Variants in RASAL2 observed in about 807,000 individuals in gnomAD.
RASAL2 encodes RAS protein activator like 2.
In RASAL2, 58 loss-of-function variants were observed where a neutral mutation model predicts 128.9. The observed-to-expected ratio is 0.45, with a 90% CI of 0.36 to 0.56. The LOEUF is 0.56. Ranked by LOEUF, RASAL2 falls within the 20% of genes least tolerant of loss-of-function variation. The pLI, the probability that RASAL2 is intolerant of heterozygous loss-of-function variation, is 0.00. For missense variants in RASAL2, 1,360 were observed against 1,601.6 expected (o/e 0.85, Z 2.57); for synonymous variants, 561 against 580.8 (o/e 0.97, Z 0.49).
chr1:178,398,866 T>C lies in RASAL2; in HGVS notation c.564+8660T>C, dbSNP rs576354457. The stretch of plus-strand genomic sequence containing the variant: ...ATCCCCTTTTCCAGCCCCACTGCCA[T>C]TTACTGACTTCGCTTATCAGTACTT... On this transcript the variant is annotated intron_variant, in intron 4 of 17. Transcript: ENST00000367649. Among the ~76,000 whole-genome samples the C allele has an allele frequency of 2.0e-5, 3 of 152,252 alleles. No individual in the cohort carries two copies. In the South Asian group the frequency reaches 6.2e-4, roughly 32 times the overall value.
intron 14 of RASAL2, among the ~76,000 whole-genome samples, chr1:178,461,217 T>C (rs967818463): frequency 2.6e-5 from 4 of 152,240 alleles, no homozygotes; most frequent in Non-Finnish European, 5.9e-5. Context: ...CAAATTCCTT[T>C]ACATATTTTA....
At chr1:178,368,266 T>C (rs1279778701) in intron 3 of RASAL2, among the ~76,000 whole-genome samples, 1 of 152,220 alleles carries the variant, frequency 6.6e-6, no homozygotes, top group Non-Finnish European at 1.5e-5. Flanking sequence ...TGATTTTCGG[T>C]TTCTCATCTG....
intron 3 of RASAL2, among the ~76,000 whole-genome samples, chr1:178,302,434 A>G (rs549078738): frequency 1.3e-5 from 2 of 152,330 alleles, no homozygotes; most frequent in South Asian, 2.1e-4. Context: ...CCTAGGGGAA[A>G]AGATCTAATA....
intron 1 of RASAL2, among the ~76,000 whole-genome samples, chr1:178,180,814 T>G (rs577091049): frequency 2.6e-4 from 40 of 151,800 alleles, no homozygotes; most frequent in Non-Finnish European, 4.9e-4. Context: ...AAAAGTTACT[T>G]TACTTAAAAA....
At chr1:178,449,561 G>GT (rs879371369) in intron 9 of RASAL2, among the ~76,000 whole-genome samples, 17 of 149,682 alleles carry the variant, frequency 1.1e-4, no homozygotes, top group South Asian at 4.3e-4. Flanking sequence ...TTTGGCTCTG[G>GT]TTTTTTTTTC....
chr1:178,355,827 G>A (rs1221148274), intron 3 of RASAL2, among the ~76,000 whole-genome samples: 1 of 152,182 alleles, frequency 6.6e-6, no homozygotes, highest in Admixed American at 6.5e-5. Flanking sequence ...CCAAATGGCT[G>A]TATACATTTA....
intron 1 of RASAL2, among the ~76,000 whole-genome samples, chr1:178,209,786 C>T (rs2101982952): frequency 6.6e-6 from 1 of 152,008 alleles, no homozygotes; most frequent in Admixed American, 6.5e-5. Context: ...ACAGATCAGT[C>T]TCCTAGACTA....
chr1:178,425,776 A>G (rs575436793), intron 5 of RASAL2, among the ~76,000 whole-genome samples: 1 of 152,272 alleles, frequency 6.6e-6, no homozygotes, highest in South Asian at 2.1e-4. Flanking sequence ...CTTTAAAGCA[A>G]TCTCTCTGAA....
chr1:178,447,326 AAAAT>A (rs536115182), intron 9 of RASAL2, among the ~76,000 whole-genome samples: 5 of 151,890 alleles, frequency 3.3e-5, no homozygotes, highest in Admixed American at 1.3e-4. Flanking sequence ...TGTCTTAAAA[AAAAT>A]AAATAAATAA....
At chr1:178,373,439 T>C (rs1335019556) in intron 3 of RASAL2, among the ~76,000 whole-genome samples, 9 of 151,936 alleles carry the variant, frequency 5.9e-5, no homozygotes, top group Non-Finnish European at 1.3e-4. Flanking sequence ...CCTTCGTTTC[T>C]CTGAAGCCTA....
intron 4 of RASAL2, among the ~76,000 whole-genome samples, chr1:178,390,592 T>C (rs112019510): frequency 0.032 from 4,924 of 152,212 alleles, 108 homozygotes; most frequent in Middle Eastern, 0.065. Context: ...TTGGCCAGGC[T>C]GGTCTCAAAC....
intron 1 of RASAL2, among the ~76,000 whole-genome samples, chr1:178,121,552 C>A (rs1471954316): frequency 1.3e-5 from 2 of 151,636 alleles, no homozygotes; most frequent in African/African-American, 2.4e-5. Flanking sequence ...GTGGCGTGAT[C>A]TTGGCTCACT....
At chr1:178,109,806 G>C (rs568685510) in intron 1 of RASAL2, among the ~76,000 whole-genome samples, 1 of 152,204 alleles carries the variant, frequency 6.6e-6, no homozygotes, top group Non-Finnish European at 1.5e-5. Context: ...AGAATCTCTT[G>C]AGGCCAGGAG....
chr1:178,342,975 G>T (rs1371421586), intron 3 of RASAL2, among the ~76,000 whole-genome samples: 2 of 152,260 alleles, frequency 1.3e-5, no homozygotes, highest in East Asian at 3.9e-4. Context: ...GCCTAAAAAA[G>T]GTTGCTGCCC....
rs1247912894 is a variant in RASAL2, at chr1:178,458,119, T to G, written c.2827T>G (p.Ser943Ala). The change falls in exon 14 of 18, where the codon TCC (serine) becomes GCC (alanine). Residue 943 changes from serine to alanine, a missense_variant. Around this residue, in one of 3 missense-constraint regions of RASAL2, gnomAD observed 741 missense variants for 868.6 expected, o/e 0.85. Coordinates refer to ENST00000367649, the MANE Select transcript of RASAL2 (RefSeq NM_170692.4). ...IPAMPKASID[S>A]SLENLSTASS... ...AGCAATGCCAAAGGCCTCTATAGATTCCAGTTTGGAGAACCTAAGCACTGC... is the reference window on the plus strand; with the variant it reads ...AGCAATGCCAAAGGCCTCTATAGATGCCAGTTTGGAGAACCTAAGCACTGC... 1.9e-6 allele frequency: 3 copies of G among 1,614,028 alleles called. No individual in the cohort carries two copies. Among genetic ancestry groups the G allele is most frequent in the Non-Finnish European group, 2.5e-6 (3 of 1,180,030 alleles).
intron 1 of RASAL2, among the ~76,000 whole-genome samples, chr1:178,110,819 C>T (rs1446719767): frequency 1.3e-5 from 2 of 151,712 alleles, no homozygotes; most frequent in African/African-American, 2.4e-5. Context: ...AACTCCTGAG[C>T]TCAGGCAATC....
intron 3 of RASAL2, among the ~76,000 whole-genome samples, chr1:178,387,285 A>G (rs903547374): frequency 6.6e-6 from 1 of 152,156 alleles, no homozygotes; most frequent in Non-Finnish European, 1.5e-5. Flanking sequence ...GGAATGATTT[A>G]ATATCTTCTT....
intron 3 of RASAL2, among the ~76,000 whole-genome samples, chr1:178,387,302 C>T (rs1411546818): frequency 6.6e-6 from 1 of 152,062 alleles, no homozygotes; most frequent in African/African-American, 2.4e-5. Flanking sequence ...TCTTTCTGGA[C>T]CCGATAATAC....
At chr1:178,289,027 C>T (rs1374606595) in intron 2 of RASAL2, among the ~76,000 whole-genome samples, 5 of 152,130 alleles carry the variant, frequency 3.3e-5, no homozygotes, top group African/African-American at 9.7e-5. Flanking sequence ...TCTCTTCTCT[C>T]CTTTATAACA....
Sources: allele counts gnomAD v4.1 joint callset (sites outside exome capture counted in the v4.1 genomes callset), GRCh38; gene constraint gnomAD v4.1.1; regional missense constraint gnomAD v4.1.1; transcripts MANE v1.5; gene names NCBI Gene and HGNC (gene_info 2026-07-23, HGNC 2026-07-21).